NALF1: variants seen among roughly 807,000 people sequenced by gnomAD.
NALF1 encodes the protein NALCN channel auxiliary factor 1.
A neutral mutation model predicts 48.4 loss-of-function variants in NALF1; 3 were observed. The observed-to-expected ratio is 0.06, with a 90% CI of 0.03 to 0.16. NALF1 has a LOEUF of 0.16. Ranked by LOEUF, NALF1 falls within the 10% of genes least tolerant of loss-of-function variation. The probability of loss-of-function intolerance (pLI) is 1.00; values close to 1 mark genes in which losing one functional copy is unlikely to be tolerated. For synonymous variants in NALF1, 262 were observed against 245.7 expected (o/e 1.07, Z -0.62); for missense variants, 526 against 571.5 (o/e 0.92, Z 0.81).
intron 1 of NALF1, among the ~76,000 whole-genome samples, chr13:107,662,959 T>G (rs1880767133): frequency 6.6e-6 from 1 of 152,182 alleles, no homozygotes; most frequent in African/African-American, 2.4e-5. Flanking sequence ...TTTAACTTGA[T>G]TTTTAACTTT....
chr13:107,731,293 T>A (rs2138535911), intron 1 of NALF1, among the ~76,000 whole-genome samples: 1 of 152,258 alleles, frequency 6.6e-6, no homozygotes, highest in African/African-American at 2.4e-5. Flanking sequence ...AAAATATCAT[T>A]TTTTACTCCC....
intron 1 of NALF1, among the ~76,000 whole-genome samples, chr13:107,816,958 T>G (rs1050609129): frequency 1.4e-4 from 22 of 152,342 alleles, no homozygotes; most frequent in African/African-American, 5.3e-4. Context: ...TTCCTTTTTA[T>G]ACATATGGAT....
intron 1 of NALF1, among the ~76,000 whole-genome samples, chr13:107,220,203 A>G (rs1191465865): frequency 6.6e-6 from 1 of 152,184 alleles, no homozygotes; most frequent in Non-Finnish European, 1.5e-5. Context: ...TTTGCTCCTC[A>G]AGAAACAGCA....
chr13:107,673,279 T>C (rs1435262375), intron 1 of NALF1, among the ~76,000 whole-genome samples: 1 of 152,170 alleles, frequency 6.6e-6, no homozygotes, highest in Admixed American at 6.6e-5. Context: ...TTAATGAAAT[T>C]AGTAGAGGAA....
rs10710356 is a variant in NALF1, at chr13:107,403,188, C to CTTTTTTTTTT, written c.916-192443_916-192434dup. On this transcript the variant is annotated intron_variant, in intron 1 of 2. Transcript: ENST00000375915. ...TTCTGCTTGGTTTCTCTTGTTCGGG[C>CTTTTTTTTTT]TTTTTTTTTTTTTTTTTTTTTTTTT... 8.0e-4 allele frequency among the ~76,000 whole-genome samples: 34 copies of CTTTTTTTTTT among 42,490 alleles called. 1 individual carries two copies. The highest frequency in any genetic ancestry group is 1.3e-3 in the Admixed American group (3 of 2,278). The allele number at this position is 42,490 out of a possible 152,430, so 27.9% of individuals were successfully genotyped here.
Position 107,473,715 on chromosome 13 carries a change from T to A in NALF1, c.916-262960A>T, listed in dbSNP as rs80099523. Among the ~76,000 whole-genome samples, 770 of 152,256 alleles carry A rather than the reference T, an allele frequency of 5.1e-3. 23 individuals carry two copies. The East Asian group carries it at 0.091, about 18-fold the overall frequency. ...CTCATAGTCTTCATTTTCACTCCAT[T>A]CAGCAGACGCCCTTCCACCCTGCTC... On this transcript the variant is annotated intron_variant, in intron 1 of 2. Coordinates refer to ENST00000375915, the MANE Select transcript of NALF1 (RefSeq NM_001080396.3).
intron 1 of NALF1, among the ~76,000 whole-genome samples, chr13:107,743,126 T>C (rs986483817): frequency 6.6e-6 from 1 of 152,182 alleles, no homozygotes; most frequent in Non-Finnish European, 1.5e-5. Context: ...GAATTTAGCA[T>C]GTCGATATCC....
In NALF1 at chr13:107,210,587, T is replaced by C; in HGVS notation, c.1084A>G (p.Thr362Ala). ...IYGGLSSFIC[T>A]GLYETFLTND... is the part of the protein sequence containing the mutation. ...AGACTCCCACCCGGCACTGTACCTG[T>C]ACAGATGAAACTGGAGAGGCCTCCG... is the stretch of plus-strand genomic sequence containing the variant. The change falls in exon 2 of 3, where the codon ACA (threonine) becomes GCA (alanine). Residue 362 changes from threonine (T) to alanine (A), a missense_variant. Transcript: ENST00000375915. The C allele has an allele frequency of 6.2e-7, 1 of 1,611,164 alleles. No individual in the cohort carries two copies. The highest frequency in any genetic ancestry group is 8.5e-7 in the Non-Finnish European group (1 of 1,177,446).
chr13:107,197,840 T>G (rs1879426002), intron 2 of NALF1, among the ~76,000 whole-genome samples: 1 of 152,236 alleles, frequency 6.6e-6, no homozygotes, highest in Non-Finnish European at 1.5e-5. Flanking sequence ...CTTTAAAATG[T>G]TATTCATCCC....
At chr13:107,723,899 T>G (rs921570991) in intron 1 of NALF1, among the ~76,000 whole-genome samples, 4 of 152,182 alleles carry the variant, frequency 2.6e-5, no homozygotes, top group African/African-American at 4.8e-5. Flanking sequence ...AGCCCAAATA[T>G]TCTTATATAT....
intron 1 of NALF1, among the ~76,000 whole-genome samples, chr13:107,568,922 T>A (rs1016651467): frequency 7.9e-5 from 12 of 152,206 alleles, no homozygotes; most frequent in Non-Finnish European, 2.9e-5. Flanking sequence ...GAACATTTTT[T>A]AAAATATTGA....
At chr13:107,191,786 C>T (rs933212146) in intron 2 of NALF1, among the ~76,000 whole-genome samples, 2 of 151,600 alleles carry the variant, frequency 1.3e-5, no homozygotes, top group Non-Finnish European at 2.9e-5. Flanking sequence ...ATTCTCTTGC[C>T]TCAGCCTCCA....
chr13:107,367,089 C>T (rs117513950), intron 1 of NALF1, among the ~76,000 whole-genome samples: 1,931 of 152,170 alleles, frequency 0.013, 19 homozygotes, highest in Non-Finnish European at 0.02. Flanking sequence ...AAAGGGCAAA[C>T]GCAGAAAAGC....
chr13:107,527,948 T>A (rs1876499375), intron 1 of NALF1, among the ~76,000 whole-genome samples: 1 of 152,280 alleles, frequency 6.6e-6, no homozygotes, highest in East Asian at 1.9e-4. Flanking sequence ...CTAACTGAAT[T>A]TTCTTATTTA....
chr13:107,646,730 C>T (rs1359332917), intron 1 of NALF1, among the ~76,000 whole-genome samples: 1 of 152,032 alleles, frequency 6.6e-6, no homozygotes, highest in African/African-American at 2.4e-5. Flanking sequence ...TTAATCATGG[C>T]ATAGGTATAA....
At chr13:107,841,766 T>C (rs1458870406) in intron 1 of NALF1, among the ~76,000 whole-genome samples, 1 of 152,074 alleles carries the variant, frequency 6.6e-6, no homozygotes, top group East Asian at 1.9e-4. Context: ...ATTGTTTAAA[T>C]AAGTTATGAA....
At chr13:107,279,901 C>T (rs933906323) in intron 1 of NALF1, among the ~76,000 whole-genome samples, 2 of 152,072 alleles carry the variant, frequency 1.3e-5, no homozygotes, top group African/African-American at 4.8e-5. Flanking sequence ...TTATAAATAC[C>T]AATTAGAATT....
intron 1 of NALF1, among the ~76,000 whole-genome samples, chr13:107,519,164 T>TA (rs1458493934): frequency 6.6e-6 from 1 of 151,810 alleles, no homozygotes; most frequent in East Asian, 1.9e-4. Context: ...CTTACAGAAT[T>TA]AAAAAAATAT....
At chr13:107,191,622 A>G (rs1380766192) in intron 2 of NALF1, among the ~76,000 whole-genome samples, 2 of 152,078 alleles carry the variant, frequency 1.3e-5, no homozygotes, top group African/African-American at 2.4e-5. Flanking sequence ...TGTTGGCTGC[A>G]TCAGTCACTC....
Sources: gnomAD v4.1 joint callset for allele counts (sites outside exome capture counted in the v4.1 genomes callset) on GRCh38, gnomAD v4.1.1 for gene constraint, MANE v1.5 for transcripts, NCBI Gene and HGNC (gene_info 2026-07-23, HGNC 2026-07-21) for gene names.